The following SAMMSON variants were observed in gnomAD, a reference collection of about 807,000 sequenced individuals.
SAMMSON encodes survival associated mitochondrial melanoma specific oncogenic non-coding RNA, also known as long intergenic non-protein coding RNA 1212.
chr3:70,407,426 T>C (rs958283245), intron 2 of SAMMSON, among the ~76,000 whole-genome samples: 3 of 152,202 alleles, frequency 2.0e-5, no homozygotes, highest in African/African-American at 7.2e-5. Flanking sequence ...AGCTGGTTAC[T>C]TCCTAGATAC....
At chr3:70,041,215 A>G (rs1349118724) in intron 3 of SAMMSON, among the ~76,000 whole-genome samples, 1 of 152,238 alleles carries the variant, frequency 6.6e-6, no homozygotes, top group African/African-American at 2.4e-5. Flanking sequence ...TGGAATTTCC[A>G]AAGACATTTT....
intron 4 of SAMMSON, among the ~76,000 whole-genome samples, chr3:70,146,358 A>G (rs1238666574): frequency 6.6e-6 from 1 of 152,020 alleles, no homozygotes; most frequent in Non-Finnish European, 1.5e-5. Flanking sequence ...CAAAGACAGT[A>G]CAAAAATAGA....
chr3:70,299,418 C>T (rs1702324396), intron 7 of SAMMSON, among the ~76,000 whole-genome samples: 1 of 151,964 alleles, frequency 6.6e-6, no homozygotes, highest in African/African-American at 2.4e-5. Flanking sequence ...TTTTCATATT[C>T]TAATTTTTCT....
At chr3:70,076,132 A>G (rs1258348066) in intron 4 of SAMMSON, among the ~76,000 whole-genome samples, 1 of 152,130 alleles carries the variant, frequency 6.6e-6, no homozygotes, top group Admixed American at 6.6e-5. Flanking sequence ...CTGAAGTGTT[A>G]ACATGTCATT....
At position 70,118,626 on chromosome 3, in the gene SAMMSON, A is replaced by G. The variant is rs1189145438; in HGVS notation, n.507+47061A>G. On this transcript the variant is annotated intron_variant and non_coding_transcript_variant, in intron 4 of 9. Transcript: ENST00000642114. ...ACAGAAATCTGTTCTGCATTGTTCA[A>G]TGTCCCACCTCTCAAACTGATTTAA... Among the ~76,000 whole-genome samples, 8 of 152,294 alleles carry G rather than the reference A, an allele frequency of 5.3e-5. 1 individual carries two copies. In the South Asian group the frequency reaches 1.0e-3, roughly 20 times the overall value.
At chr3:70,198,671 T>C (rs945702987) in intron 4 of SAMMSON, among the ~76,000 whole-genome samples, 1 of 152,216 alleles carries the variant, frequency 6.6e-6, no homozygotes, top group Non-Finnish European at 1.5e-5. Flanking sequence ...ATGACTGTTA[T>C]GACTACTTTA....
intron 2 of SAMMSON, among the ~76,000 whole-genome samples, chr3:70,397,572 G>T (rs1160310274): frequency 6.6e-6 from 1 of 152,170 alleles, no homozygotes; most frequent in South Asian, 2.1e-4. Flanking sequence ...GTCCACTTTC[G>T]GATTAACAAT....
chr3:70,262,622 G>A (rs1488287711), intron 6 of SAMMSON, among the ~76,000 whole-genome samples: 2 of 152,070 alleles, frequency 1.3e-5, no homozygotes, highest in African/African-American at 4.8e-5. Flanking sequence ...ATTCTGCTAG[G>A]TTCAAAGCAA....
Position 70,372,811 on chromosome 3 carries a change from A to G in SAMMSON, n.913+14487A>G, listed in dbSNP as rs1369069729. 2.0e-5 allele frequency among the ~76,000 whole-genome samples: 3 copies of G among 152,192 alleles called. No homozygotes were observed. In the East Asian group the frequency reaches 5.8e-4, roughly 29 times the overall value. Reference sequence around the variant, plus strand: ...AGTATGTTTAAGTATAATTCTTTGTATAACTCTTCTAGCAGTTGCTCTAGC... The same window carrying G: ...AGTATGTTTAAGTATAATTCTTTGTGTAACTCTTCTAGCAGTTGCTCTAGC... On this transcript the variant is annotated intron_variant and non_coding_transcript_variant, in intron 9 of 9. Coordinates refer to ENST00000642114, the Ensembl canonical transcript of SAMMSON.
rs575532206 is a variant in SAMMSON at position 70,008,691 on chromosome 3, G to A, written n.23-3666G>A. Among the ~76,000 whole-genome samples, 542 of 152,288 alleles carry A rather than the reference G, an allele frequency of 3.6e-3. 1 individual carries two copies. The highest frequency in any genetic ancestry group is 0.012 in the African/African-American group (486 of 41,560). On this transcript the variant is annotated intron_variant and non_coding_transcript_variant, in intron 1 of 9. Transcript: ENST00000642114. ...TAACACTATGTTGAATAGGAGTGGT[G>A]AGAGAGGGCATCCCTGTCTTGTGCC... is the stretch of plus-strand genomic sequence containing the variant.
At chr3:70,191,326 G>A (rs1435137938) in intron 4 of SAMMSON, among the ~76,000 whole-genome samples, 1 of 152,196 alleles carries the variant, frequency 6.6e-6, no homozygotes, top group Non-Finnish European at 1.5e-5. Context: ...GCATCAGAAT[G>A]CATTTTTTGA....
chr3:70,099,681 C>T (rs2067335311), intron 4 of SAMMSON, among the ~76,000 whole-genome samples: 1 of 152,174 alleles, frequency 6.6e-6, no homozygotes, highest in Admixed American at 6.5e-5. Context: ...GCCTTGATTA[C>T]TCCTGCAGTC....
intron 7 of SAMMSON, among the ~76,000 whole-genome samples, chr3:70,314,378 A>G (rs923018030): frequency 1.3e-5 from 2 of 152,190 alleles, no homozygotes; most frequent in African/African-American, 4.8e-5. Flanking sequence ...TTTTCTATGC[A>G]TAGTTACAGT....
intron 6 of SAMMSON, among the ~76,000 whole-genome samples, chr3:70,263,178 A>G (rs1198561159): frequency 6.6e-6 from 1 of 152,112 alleles, no homozygotes; most frequent in Non-Finnish European, 1.5e-5. Context: ...TTTTTAACCA[A>G]CTGATTTTTC....
chr3:70,114,104 C>T (rs2067400436), intron 4 of SAMMSON, among the ~76,000 whole-genome samples: 1 of 152,166 alleles, frequency 6.6e-6, no homozygotes, highest in Non-Finnish European at 1.5e-5. Flanking sequence ...AAATTGGAGG[C>T]ACCGATTCAT....
At chr3:70,267,476 C>G (rs1010490974) in intron 6 of SAMMSON, among the ~76,000 whole-genome samples, 2 of 142,502 alleles carry the variant, frequency 1.4e-5, no homozygotes, top group African/African-American at 2.6e-5. Flanking sequence ...GATCTCCGCT[C>G]ACTGCAAGCT....
chr3:70,369,534 C>A (rs1702948766), intron 9 of SAMMSON, among the ~76,000 whole-genome samples: 1 of 148,746 alleles, frequency 6.7e-6, no homozygotes, highest in Non-Finnish European at 1.5e-5. Context: ...TTTTTTTTGC[C>A]ATGTTGCACT....
chr3:70,324,577 C>A (rs1702565044), intron 7 of SAMMSON, among the ~76,000 whole-genome samples: 1 of 152,122 alleles, frequency 6.6e-6, no homozygotes, highest in Non-Finnish European at 1.5e-5. Flanking sequence ...TTTCATCAAA[C>A]TTATTTGACT....
At chr3:70,115,786 A>G (rs1267089689) in intron 4 of SAMMSON, among the ~76,000 whole-genome samples, 2 of 152,170 alleles carry the variant, frequency 1.3e-5, no homozygotes, top group African/African-American at 4.8e-5. Flanking sequence ...TTCTTAAACA[A>G]CATTTGAAAA....
Sources: allele counts gnomAD v4.1 joint callset (sites outside exome capture counted in the v4.1 genomes callset), GRCh38; gene constraint gnomAD v4.1.1; transcripts MANE v1.5; gene names NCBI Gene and HGNC (gene_info 2026-07-23, HGNC 2026-07-21).